GPM6A: variants seen among roughly 807,000 people sequenced by gnomAD.
GPM6A encodes the protein glycoprotein M6A.
In GPM6A, 7 loss-of-function variants were observed where a neutral mutation model predicts 32.1. That is an observed-to-expected ratio of 0.22 (90% CI 0.12 to 0.41). GPM6A has a LOEUF of 0.41. Ranked by LOEUF, GPM6A falls within the 10% of genes least tolerant of loss-of-function variation. The pLI is 1.00. For missense variants in GPM6A, 235 were observed against 347.2 expected (o/e 0.68, Z 2.57); for synonymous variants, 130 against 123.4 (o/e 1.05, Z -0.35).
chr4:175,771,176 C>T (rs1365214359), intron 1 of GPM6A, among the ~76,000 whole-genome samples: 1 of 152,096 alleles, frequency 6.6e-6, no homozygotes, highest in Non-Finnish European at 1.5e-5. Context: ...CCATTACCAA[C>T]CCTGCAATAT....
rs1303046650 is a variant in GPM6A, at chr4:175,711,457, T to TATATATATAC, written c.38-9691_38-9690insGTATATATAT. 7.9e-4 allele frequency among the ~76,000 whole-genome samples: 22 copies of TATATATATAC among 27,962 alleles called. 1 individual carries two copies. Among genetic ancestry groups the TATATATATAC allele is most frequent in the Admixed American group, 1.8e-3 (3 of 1,672 alleles). 18.3% of individuals were successfully genotyped at this position (27,962 alleles called of 152,430 possible). On this transcript the variant is annotated intron_variant, in intron 1 of 6. Coordinates refer to ENST00000393658, the MANE Select transcript of GPM6A (RefSeq NM_201591.3). ...ATATATATATATATATATATATATA[T>TATATATATAC]ACACACACATACATACATGTATATA...
At position 175,739,817 on chromosome 4, in the gene GPM6A, T is replaced by C. The variant is rs918889817; in HGVS notation, c.38-38050A>G. On this transcript the variant is annotated intron_variant, in intron 1 of 6. Coordinates refer to ENST00000393658, the MANE Select transcript of GPM6A (RefSeq NM_201591.3). ...AAGATTTTCTTCTGAAAAATGCTAATTCAGCTTTATCTATTAAGAAGTTAA... is the reference window on the plus strand; with the variant it reads ...AAGATTTTCTTCTGAAAAATGCTAACTCAGCTTTATCTATTAAGAAGTTAA... Among the ~76,000 whole-genome samples, 3 of 152,086 alleles carry C rather than the reference T, an allele frequency of 2.0e-5. No individual in the cohort carries two copies. The East Asian group carries it at 5.8e-4, about 29-fold the overall frequency.
At chr4:175,749,863 A>G (rs1371323042) in intron 1 of GPM6A, among the ~76,000 whole-genome samples, 3 of 152,142 alleles carry the variant, frequency 2.0e-5, no homozygotes, top group African/African-American at 7.2e-5. Context: ...TTGTCAAGAG[A>G]ATGGAAAAGC....
intron 1 of GPM6A, among the ~76,000 whole-genome samples, chr4:175,892,090 C>T (rs887375395): frequency 1.3e-5 from 2 of 152,164 alleles, no homozygotes; most frequent in African/African-American, 4.8e-5. Flanking sequence ...AAGCATGTAA[C>T]TTTGCCACCT....
chr4:175,908,934 A>G (rs1444114166), intron 1 of GPM6A, among the ~76,000 whole-genome samples: 1 of 150,636 alleles, frequency 6.6e-6, no homozygotes, highest in Non-Finnish European at 1.5e-5. Flanking sequence ...CCCTATCCGT[A>G]AAAGCACACA....
In GPM6A at chr4:175,691,239, G is replaced by A. The variant is rs552867233; in HGVS notation, c.230+10336C>T. ...AGTCACTGATTATGAAGTCACAGAA[G>A]GATCAAATAGAGAAATAGCGAAGAA... On this transcript the variant is annotated intron_variant, in intron 2 of 6. Transcript: ENST00000393658. Among the ~76,000 whole-genome samples the A allele has an allele frequency of 5.9e-5, 9 of 151,820 alleles. No individual in the cohort carries two copies. The East Asian group carries it at 1.7e-3, about 29-fold the overall frequency.
intron 1 of GPM6A, among the ~76,000 whole-genome samples, chr4:175,896,903 G>A (rs1398434784): frequency 6.6e-6 from 1 of 151,742 alleles, no homozygotes; most frequent in Admixed American, 6.6e-5. Context: ...TCTTTGAGGT[G>A]GCATCTTTCA....
intron 1 of GPM6A, among the ~76,000 whole-genome samples, chr4:175,756,195 G>A (rs1732518256): frequency 6.6e-6 from 1 of 152,062 alleles, no homozygotes; most frequent in African/African-American, 2.4e-5. Context: ...GTAGGGTTAT[G>A]TTGCAAGGTA....
chr4:175,751,152 C>T (rs1320152202), intron 1 of GPM6A, among the ~76,000 whole-genome samples: 1 of 151,864 alleles, frequency 6.6e-6, no homozygotes, highest in Non-Finnish European at 1.5e-5. Context: ...AATTCAAATA[C>T]AGCAAAATAA....
At chr4:175,655,048 T>C (rs1742006724) in intron 3 of GPM6A, among the ~76,000 whole-genome samples, 3 of 152,160 alleles carry the variant, frequency 2.0e-5, no homozygotes, top group Non-Finnish European at 4.4e-5. Context: ...AAGTGTGTTG[T>C]TACTGCTACT....
chr4:175,673,612 G>T, intron 3 of GPM6A, 68 bp downstream of exon 3: 1 of 1,086,586 alleles, frequency 9.2e-7, no homozygotes. Flanking sequence ...CTTGGGAGAT[G>T]AATGCAAACA....
At chr4:175,841,855 A>C (rs910796524) in intron 1 of GPM6A, among the ~76,000 whole-genome samples, 1 of 152,196 alleles carries the variant, frequency 6.6e-6, no homozygotes, top group Non-Finnish European at 1.5e-5. Context: ...AATATAAGAT[A>C]TGATCTGACA....
chr4:175,777,522 T>C (rs889582557), intron 1 of GPM6A, among the ~76,000 whole-genome samples: 2 of 152,032 alleles, frequency 1.3e-5, no homozygotes, highest in African/African-American at 4.8e-5. Flanking sequence ...TCTTCTTTAT[T>C]AACTTAGTAA....
intron 1 of GPM6A, chr4:176,002,202 T>C (rs1032190603): frequency 1.1e-5 from 14 of 1,228,746 alleles, no homozygotes; most frequent in Non-Finnish European, 4.7e-6. Flanking sequence ...GGAACAGAGC[T>C]GGGAAGGACG....
chr4:175,888,935 C>A (rs60241770), intron 1 of GPM6A, among the ~76,000 whole-genome samples: 2,467 of 152,140 alleles, frequency 0.016, 67 homozygotes, highest in African/African-American at 0.056. Context: ...TATGATACTG[C>A]CATAGTGCTA....
intron 1 of GPM6A, among the ~76,000 whole-genome samples, chr4:175,864,124 T>C (rs1238556196): frequency 6.6e-6 from 1 of 152,206 alleles, no homozygotes; most frequent in Non-Finnish European, 1.5e-5. Flanking sequence ...TACATTTGCA[T>C]TTCCCTAATA....
At chr4:175,884,931 T>C (rs987435773) in intron 1 of GPM6A, among the ~76,000 whole-genome samples, 1 of 152,196 alleles carries the variant, frequency 6.6e-6, no homozygotes, top group Non-Finnish European at 1.5e-5. Flanking sequence ...TGGAAGTTCT[T>C]TGAGACAAAA....
At chr4:175,869,971 G>A (rs180971001) in intron 1 of GPM6A, among the ~76,000 whole-genome samples, 45 of 152,224 alleles carry the variant, frequency 3.0e-4, no homozygotes, top group Non-Finnish European at 5.7e-4. Context: ...CTAATAATTT[G>A]CAGCACTGGG....
At chr4:175,782,567 G>T (rs576559110) in intron 1 of GPM6A, among the ~76,000 whole-genome samples, 2 of 151,718 alleles carry the variant, frequency 1.3e-5, no homozygotes, top group Non-Finnish European at 2.9e-5. Flanking sequence ...AATACAATGC[G>T]GCAAATTAAT....
Sources: allele counts gnomAD v4.1 joint callset (sites outside exome capture counted in the v4.1 genomes callset), GRCh38; gene constraint gnomAD v4.1.1; transcripts MANE v1.5; gene names NCBI Gene and HGNC (gene_info 2026-07-23, HGNC 2026-07-21).